HS6ST3: variants seen among roughly 807,000 people sequenced by gnomAD.
The protein encoded by HS6ST3 is heparan-sulfate 6-O-sulfotransferase 3.
HS6ST3 carries 12 observed loss-of-function variants against 36.7 expected under a neutral mutation model. That is an observed-to-expected ratio of 0.33 (90% CI 0.21 to 0.53). The LOEUF (loss-of-function observed/expected upper bound fraction) is 0.53, where lower values mean the gene tolerates loss of function less well. Among genes scored for constraint, HS6ST3 ranks in the 20% least tolerant of loss-of-function variants. The pLI, the probability that HS6ST3 is intolerant of heterozygous loss-of-function variation, is 0.95. For missense variants in HS6ST3, 584 were observed against 640.9 expected, an observed-to-expected ratio of 0.91 and a Z score of 0.96; for synonymous variants, 240 against 257.5, an observed-to-expected ratio of 0.93 and a Z score of 0.65.
intron 1 of HS6ST3, chr13:96,573,899 T>C: frequency 2.0e-6 from 1 of 504,850 alleles, no homozygotes; most frequent in Non-Finnish European, 3.9e-6. Context: ...CCCAGTCTAA[T>C]GGAATGGCAG....
At chr13:96,664,340 A>G (rs1278199477) in intron 1 of HS6ST3, among the ~76,000 whole-genome samples, 2 of 152,186 alleles carry the variant, frequency 1.3e-5, no homozygotes, top group Non-Finnish European at 1.5e-5. Context: ...TGTTGCCATT[A>G]TCATCATCAT....
At chr13:96,610,619 C>A (rs1301366863) in intron 1 of HS6ST3, among the ~76,000 whole-genome samples, 1 of 152,096 alleles carries the variant, frequency 6.6e-6, no homozygotes, top group African/African-American at 2.4e-5. Flanking sequence ...AGCTTGAAAT[C>A]CATCAGACGG....
Position 96,309,404 on chromosome 13 carries a change from G to T in HS6ST3, c.707+217835G>T, listed in dbSNP as rs139139412. On this transcript the variant is annotated intron_variant, in intron 1 of 1. Transcript: ENST00000376705. ...AAATTTAAATGTAACATTTTAGGAG[G>T]ATGGTGCTAGCTTATTTATTTGAAA... Among the ~76,000 whole-genome samples the T allele has an allele frequency of 2.6e-3, 393 of 152,232 alleles. 1 individual carries two copies. Among genetic ancestry groups the T allele is most frequent in the Middle Eastern group, 6.8e-3 (2 of 294 alleles).
chr13:96,495,234 C>T (rs2055969049), intron 1 of HS6ST3, among the ~76,000 whole-genome samples: 1 of 152,160 alleles, frequency 6.6e-6, no homozygotes, highest in South Asian at 2.1e-4. Flanking sequence ...GAAAAGAGAA[C>T]TCTTCTCTTT....
chr13:96,207,197 G>A (rs948509862), intron 1 of HS6ST3, among the ~76,000 whole-genome samples: 2 of 151,794 alleles, frequency 1.3e-5, no homozygotes, highest in African/African-American at 2.4e-5. Context: ...CAACAAATAC[G>A]AAAAAAAGCT....
chr13:96,604,548 G>T (rs2056432011), intron 1 of HS6ST3, among the ~76,000 whole-genome samples: 1 of 152,132 alleles, frequency 6.6e-6, no homozygotes, highest in Non-Finnish European at 1.5e-5. Context: ...ATCAAAGGTT[G>T]CAGAGATGTA....
intron 1 of HS6ST3, among the ~76,000 whole-genome samples, chr13:96,108,204 G>T (rs1009420623): frequency 6.6e-6 from 1 of 152,186 alleles, no homozygotes; most frequent in African/African-American, 2.4e-5. Context: ...AAAAATGGCT[G>T]CTCTGGGAGT....
chr13:96,258,940 A>G (rs1034569492), intron 1 of HS6ST3, among the ~76,000 whole-genome samples: 1 of 152,160 alleles, frequency 6.6e-6, no homozygotes, highest in Non-Finnish European at 1.5e-5. Context: ...GGGTGCACAA[A>G]TGAGGAAGTG....
At chr13:96,254,498 T>TACATACAC (rs2054627162) in intron 1 of HS6ST3, among the ~76,000 whole-genome samples, 7 of 20,848 alleles carry the variant, frequency 3.4e-4, no homozygotes, top group African/African-American at 1.1e-3. Flanking sequence ...TATATATATA[T>TACATACAC]ACACATACAT....
intron 1 of HS6ST3, among the ~76,000 whole-genome samples, chr13:96,395,868 G>A (rs1020644587): frequency 2.6e-5 from 4 of 152,148 alleles, no homozygotes; most frequent in Admixed American, 6.6e-5. Flanking sequence ...GGAAAGGAAG[G>A]AAGAAGGCAG....
intron 1 of HS6ST3, among the ~76,000 whole-genome samples, chr13:96,820,092 A>G (rs1366783645): frequency 6.6e-6 from 1 of 152,114 alleles, no homozygotes; most frequent in Non-Finnish European, 1.5e-5. Context: ...TAAAAAAAAA[A>G]AAGAAAAATG....
At chr13:96,680,665 C>G (rs1177277731) in intron 1 of HS6ST3, among the ~76,000 whole-genome samples, 1 of 152,188 alleles carries the variant, frequency 6.6e-6, no homozygotes, top group African/African-American at 2.4e-5. Flanking sequence ...CATGGGCTGC[C>G]ATGGACCAAC....
chr13:96,160,270 G>A (rs1040445696), intron 1 of HS6ST3, among the ~76,000 whole-genome samples: 2 of 152,144 alleles, frequency 1.3e-5, no homozygotes, highest in Admixed American at 6.5e-5. Context: ...TTTCTGAAGA[G>A]GTTGACTTAA....
intron 1 of HS6ST3, among the ~76,000 whole-genome samples, chr13:96,282,957 C>T (rs1405675252): frequency 1.3e-5 from 2 of 152,110 alleles, no homozygotes; most frequent in African/African-American, 2.4e-5. Flanking sequence ...CTAAGAGCAA[C>T]ATTGTTAGCT....
intron 1 of HS6ST3, among the ~76,000 whole-genome samples, chr13:96,544,847 G>T (rs1385442081): frequency 1.3e-5 from 2 of 152,160 alleles, no homozygotes; most frequent in Non-Finnish European, 2.9e-5. Flanking sequence ...CTTGGGCACT[G>T]GAGAAAATCT....
intron 1 of HS6ST3, among the ~76,000 whole-genome samples, chr13:96,567,208 C>T (rs1190308062): frequency 2.6e-5 from 4 of 151,904 alleles, no homozygotes; most frequent in Admixed American, 2.6e-4. Flanking sequence ...TCCCCACACC[C>T]ACAAGTCTTA....
chr13:96,129,652 G>A (rs2053967055), intron 1 of HS6ST3, among the ~76,000 whole-genome samples: 1 of 152,170 alleles, frequency 6.6e-6, no homozygotes, highest in Admixed American at 6.5e-5. Flanking sequence ...TTTGAATTGT[G>A]TTTCCCCAAA....
intron 1 of HS6ST3, among the ~76,000 whole-genome samples, chr13:96,620,532 C>T (rs1255291994): frequency 6.6e-6 from 1 of 152,162 alleles, no homozygotes; most frequent in East Asian, 1.9e-4. Flanking sequence ...AGGTTGAAGC[C>T]TTACTGTAAT....
chr13:96,576,516 G>T (rs2056321795), intron 1 of HS6ST3, among the ~76,000 whole-genome samples: 1 of 152,166 alleles, frequency 6.6e-6, no homozygotes, highest in East Asian at 1.9e-4. Context: ...TAGGTCAAAA[G>T]TTGTGTTTAA....
Sources: allele counts gnomAD v4.1 joint callset (sites outside exome capture counted in the v4.1 genomes callset), GRCh38; gene constraint gnomAD v4.1.1; transcripts MANE v1.5; gene names NCBI Gene and HGNC (gene_info 2026-07-23, HGNC 2026-07-21).